The following GABRG2 variants were observed in gnomAD, a reference collection of about 807,000 sequenced individuals.
GABRG2 encodes the protein gamma-aminobutyric acid receptor subunit gamma-2.
A neutral mutation model predicts 56.4 loss-of-function variants in GABRG2; 16 were observed. That is an observed-to-expected ratio of 0.28 (90% CI 0.19 to 0.43). GABRG2 has a LOEUF of 0.43. Ranked by LOEUF, GABRG2 falls within the 20% of genes least tolerant of loss-of-function variation. GABRG2 has a pLI of 1.00. For synonymous variants in GABRG2, 208 were observed against 205.5 expected, an observed-to-expected ratio of 1.01 and a Z score of -0.10; for missense variants, 327 against 582.7, an observed-to-expected ratio of 0.56 and a Z score of 4.52.
chr5:162,137,440 A>C (rs2964616), intron 6 of GABRG2, among the ~76,000 whole-genome samples: 151,115 of 152,298 alleles, frequency 0.99, 74,990 homozygotes, highest in East Asian at 1. Context: ...CCTCAATCTG[A>C]CAGGCTAAAA....
chr5:162,142,127 T>A, intron 6 of GABRG2, 37 bp from the exon 7 acceptor site: 1 of 1,609,092 alleles, frequency 6.2e-7, no homozygotes, highest in South Asian at 1.1e-5. Flanking sequence ...CAGTGATTGA[T>A]AAAGGGTTGT....
At chr5:162,124,595 A>G (rs1449138616) in intron 6 of GABRG2, among the ~76,000 whole-genome samples, 1 of 151,646 alleles carries the variant, frequency 6.6e-6, no homozygotes, top group Non-Finnish European at 1.5e-5. Flanking sequence ...TCCAGGGTGG[A>G]GTTAAAGGAC....
At chr5:162,068,210 G>C in intron 1 of GABRG2, 104 bp downstream of exon 1, 1 of 774,354 alleles carries the variant, frequency 1.3e-6, no homozygotes. Context: ...ACTCTCCTAG[G>C]ATGTGCGGCT....
At position 162,084,969 on chromosome 5, in the gene GABRG2, A is replaced by T. The variant is rs996158067; in HGVS notation, c.108-8859A>T. Among the ~76,000 whole-genome samples the T allele has an allele frequency of 1.1e-3, 170 of 151,990 alleles. 1 individual carries two copies. Among genetic ancestry groups the T allele is most frequent in the African/African-American group, 3.9e-3 (162 of 41,524 alleles). ...AAGTTCTACCATTTGATAAAAAAAA[A>T]ATGCTGCATGAGACTAACGTAATTA... On this transcript the variant is annotated intron_variant, in intron 1 of 9. Coordinates refer to ENST00000639213, the MANE Select transcript of GABRG2 (RefSeq NM_198904.4).
chr5:162,142,657 C>A (rs1764663714), intron 7 of GABRG2: 2 of 348,292 alleles, frequency 5.7e-6, no homozygotes, highest in South Asian at 4.4e-5. Flanking sequence ...GGACAAAAAA[C>A]CAAACACTGC....
chr5:162,124,750 G>T (rs187087406), intron 6 of GABRG2, among the ~76,000 whole-genome samples: 1 of 151,678 alleles, frequency 6.6e-6, no homozygotes, highest in East Asian at 1.9e-4. Flanking sequence ...TTAATGCGCC[G>T]CATGACACAC....
Position 162,154,476 on chromosome 5 carries a change from GAC to G in GABRG2, c.*1109_*1110del. ...ATCTCTGTGCTGGCCTGAAACCAGT[GAC>G]TCATCTTCTCACATAGGTGTTGTCA... On this transcript the variant is annotated 3_prime_UTR_variant, in exon 10 of 10. Coordinates refer to ENST00000639213, the MANE Select transcript of GABRG2 (RefSeq NM_198904.4). 1 of 152,286 alleles carries G rather than the reference GAC, an allele frequency of 6.6e-6. No homozygotes were observed. The highest frequency in any genetic ancestry group is 2.1e-4 in the South Asian group (1 of 4,820). The allele number at this position is 152,286 out of a possible 1,614,324, so 9.4% of individuals were successfully genotyped here. A position where few individuals can be genotyped will look rare whatever the true frequency, so the allele number is the denominator to read the frequency against.
intron 6 of GABRG2, among the ~76,000 whole-genome samples, chr5:162,115,292 C>G (rs1035171909): frequency 6.6e-6 from 1 of 152,148 alleles, no homozygotes; most frequent in Non-Finnish European, 1.5e-5. Context: ...TCCTGAAACA[C>G]TGTGTCATAT....
At chr5:162,141,635 G>A (rs1764576781) in intron 6 of GABRG2, among the ~76,000 whole-genome samples, 1 of 152,114 alleles carries the variant, frequency 6.6e-6, no homozygotes, top group Admixed American at 6.6e-5. Context: ...AAAACCATGT[G>A]ATTCAATGAA....
chr5:162,127,413 G>A (rs1339041909), intron 6 of GABRG2, among the ~76,000 whole-genome samples: 1 of 151,826 alleles, frequency 6.6e-6, no homozygotes, highest in Non-Finnish European at 1.5e-5. Flanking sequence ...GTATGCTCTA[G>A]TATATGACTA....
intron 6 of GABRG2, among the ~76,000 whole-genome samples, chr5:162,126,864 C>T (rs1477737180): frequency 6.6e-6 from 1 of 152,002 alleles, no homozygotes; most frequent in African/African-American, 2.4e-5. Context: ...CTGGAACTCT[C>T]TTATTTATCC....
chr5:162,125,492 T>A (rs1399039932), intron 6 of GABRG2, among the ~76,000 whole-genome samples: 2 of 145,490 alleles, frequency 1.4e-5, no homozygotes, highest in African/African-American at 5.6e-5. Flanking sequence ...AGCTTCACTT[T>A]AAGGCATGAT....
chr5:162,077,409 T>C (rs1490492523), intron 1 of GABRG2, among the ~76,000 whole-genome samples: 1 of 152,224 alleles, frequency 6.6e-6, no homozygotes, highest in Non-Finnish European at 1.5e-5. Context: ...ATCCCCTTGA[T>C]GCTTCTAGTT....
chr5:162,135,221 C>CTT (rs539466322), intron 6 of GABRG2, among the ~76,000 whole-genome samples: 1 of 149,504 alleles, frequency 6.7e-6, no homozygotes, highest in Non-Finnish European at 1.5e-5. Flanking sequence ...TCCCTTCTCT[C>CTT]TTTTTTTTTT....
At chr5:162,078,758 G>A (rs1759405995) in intron 1 of GABRG2, among the ~76,000 whole-genome samples, 1 of 151,660 alleles carries the variant, frequency 6.6e-6, no homozygotes, top group Middle Eastern at 3.2e-3. Flanking sequence ...ATTTTCATCA[G>A]TGTGATGGCT....
intron 4 of GABRG2, 156 bp downstream of exon 4, chr5:162,098,014 A>G: frequency 1.5e-6 from 1 of 649,732 alleles, no homozygotes; most frequent in South Asian, 1.9e-5. Flanking sequence ...ACATCAAAAC[A>G]TTAGTTTTTT....
Position 162,123,177 on chromosome 5 carries a change from A to G in GABRG2, c.770-18987A>G, listed in dbSNP as rs550911506. Among the ~76,000 whole-genome samples, 7 of 151,936 alleles carry G rather than the reference A, an allele frequency of 4.6e-5. No homozygotes were observed. In the East Asian group the frequency reaches 1.2e-3, roughly 25 times the overall value. On this transcript the variant is annotated intron_variant, in intron 6 of 9. Transcript: ENST00000639213. ...GTTAACTAATCATATCTGAGAAAAA[A>G]GAAGGGATAGATATTATTTGTTTTC...
intron 6 of GABRG2, among the ~76,000 whole-genome samples, chr5:162,124,984 G>A (rs1222734738): frequency 6.6e-6 from 1 of 151,378 alleles, no homozygotes; most frequent in Admixed American, 6.6e-5. Flanking sequence ...GTGTGTGTGT[G>A]TGTGTGTGTG....
In GABRG2 at chr5:162,116,855, A is replaced by G. The variant is rs561627976; in HGVS notation, c.769+12829A>G. On this transcript the variant is annotated intron_variant, in intron 6 of 9. Coordinates refer to ENST00000639213, the MANE Select transcript of GABRG2 (RefSeq NM_198904.4). ...TTTGACAAAGACCTTAGGGAGGTTG[A>G]AAGGAATTCCTAATCACGTGAATGG... Among the ~76,000 whole-genome samples, 7 of 152,224 alleles carry G rather than the reference A, an allele frequency of 4.6e-5. No homozygotes were observed. In the East Asian group the frequency reaches 1.2e-3, roughly 25 times the overall value.
Sources: gnomAD v4.1 joint callset for allele counts (sites outside exome capture counted in the v4.1 genomes callset) on GRCh38, gnomAD v4.1.1 for gene constraint, MANE v1.5 for transcripts, NCBI Gene and HGNC (gene_info 2026-07-23, HGNC 2026-07-21) for gene names.